The following TENM3 variants were observed in gnomAD, a reference collection of about 807,000 sequenced individuals.
TENM3 encodes the protein teneurin transmembrane protein 3.
A neutral mutation model predicts 255.1 loss-of-function variants in TENM3; 63 were observed. That is an observed-to-expected ratio of 0.25 (90% CI 0.20 to 0.30). TENM3 has a LOEUF of 0.30. TENM3 is among the 10% of genes least tolerant of loss of function. TENM3 has a pLI of 1.00. For missense variants in TENM3, 2,929 were observed against 3,461.1 expected (o/e 0.85, Z 3.86); for synonymous variants, 1,306 against 1,322.3 (o/e 0.99, Z 0.27).
At chr4:182,112,093 C>T in the TENM3 span, among the ~76,000 whole-genome samples, 1 of 152,064 alleles carries the variant, frequency 6.6e-6, no homozygotes, top group Non-Finnish European at 1.5e-5. Context: ...AGTTCCAGGC[C>T]GCAGTGAGCT....
At chr4:182,443,699 C>G (rs1488302313) in intron 3 of TENM3, among the ~76,000 whole-genome samples, 2 of 152,256 alleles carry the variant, frequency 1.3e-5, no homozygotes, top group African/African-American at 4.8e-5. Flanking sequence ...TTGACTGCCC[C>G]CTACAAAGAG....
At chr4:181,942,057 G>A in the TENM3 span, among the ~76,000 whole-genome samples, 3 of 152,068 alleles carry the variant, frequency 2.0e-5, no homozygotes, top group Non-Finnish European at 2.9e-5. Context: ...ACCTGCTTTC[G>A]GCCGTGATCT....
intron 1 of TENM3, among the ~76,000 whole-genome samples, chr4:182,188,910 T>G (rs1330676210): frequency 6.6e-6 from 1 of 152,164 alleles, no homozygotes; most frequent in Non-Finnish European, 1.5e-5. Context: ...TTAACCTAGT[T>G]GCTGATAATT....
chr4:182,704,184 G>A (rs1758098434), intron 12 of TENM3, among the ~76,000 whole-genome samples: 1 of 151,950 alleles, frequency 6.6e-6, no homozygotes, highest in Admixed American at 6.6e-5. Flanking sequence ...AAATAAGGGA[G>A]ATGTGTTACT....
intron 19 of TENM3, among the ~76,000 whole-genome samples, chr4:182,749,408 A>T (rs1225825119): frequency 6.6e-6 from 1 of 152,238 alleles, no homozygotes; most frequent in East Asian, 1.9e-4. Context: ...TTTCAGAAAC[A>T]ACTCATACTT....
chr4:182,417,097 C>A lies in TENM3; in HGVS notation c.511+70168C>A, dbSNP rs1050529797. ...CACGCCATTCTCCTGCCTCAGCCTCCCGAGTAGCTGGGATTACAGGCGCCT... is the reference window on the plus strand; with the variant it reads ...CACGCCATTCTCCTGCCTCAGCCTCACGAGTAGCTGGGATTACAGGCGCCT... On this transcript the variant is annotated intron_variant, in intron 3 of 27. Transcript: ENST00000511685. Among the ~76,000 whole-genome samples, 3 of 152,230 alleles carry A rather than the reference C, an allele frequency of 2.0e-5. No individual in the cohort carries two copies. The Middle Eastern group carries it at 0.01, about 518-fold the overall frequency.
intron 11 of TENM3, among the ~76,000 whole-genome samples, chr4:182,683,270 G>A (rs1251634495): frequency 1.3e-5 from 2 of 152,118 alleles, no homozygotes; most frequent in South Asian, 4.1e-4. Context: ...AACATAGTTA[G>A]TACAGAGCTT....
the TENM3 span, among the ~76,000 whole-genome samples, chr4:182,072,445 G>A: frequency 1.3e-5 from 2 of 151,938 alleles, no homozygotes; most frequent in Non-Finnish European, 1.5e-5. Flanking sequence ...GCCTCCAAAG[G>A]GTAGGCAGTG....
the TENM3 span, among the ~76,000 whole-genome samples, chr4:181,532,783 T>C: frequency 4.6e-5 from 7 of 152,166 alleles, no homozygotes; most frequent in Non-Finnish European, 8.8e-5. Context: ...GGCTATATAG[T>C]TTTTTGAGTA....
intron 1 of TENM3, among the ~76,000 whole-genome samples, chr4:182,323,420 TA>T (rs11313091): frequency 0.14 from 17,989 of 130,194 alleles, 1,190 homozygotes; most frequent in East Asian, 0.18. Context: ...TAAGATATAT[TA>T]AAAAAAAAAA....
chr4:181,882,941 C>A, the TENM3 span, among the ~76,000 whole-genome samples: 2 of 152,056 alleles, frequency 1.3e-5, no homozygotes, highest in African/African-American at 2.4e-5. Context: ...TTCAAAACAA[C>A]CACCATTGTC....
the TENM3 span, among the ~76,000 whole-genome samples, chr4:181,510,852 T>C: frequency 1.3e-5 from 2 of 152,240 alleles, no homozygotes; most frequent in Non-Finnish European, 2.9e-5. Context: ...TAATGCTCCA[T>C]GTTTCTTAAA....
chr4:182,387,434 C>A (rs538835121), intron 3 of TENM3, among the ~76,000 whole-genome samples: 1 of 152,230 alleles, frequency 6.6e-6, no homozygotes, highest in South Asian at 2.1e-4. Context: ...AGCGCCCTGA[C>A]AAAATAGGCC....
At chr4:182,695,153 C>T (rs887227004) in intron 12 of TENM3, among the ~76,000 whole-genome samples, 1 of 152,148 alleles carries the variant, frequency 6.6e-6, no homozygotes, top group Non-Finnish European at 1.5e-5. Context: ...CCACAAATAG[C>T]TGTTCTGGGA....
intron 1 of TENM3, among the ~76,000 whole-genome samples, chr4:182,322,255 A>C (rs1420771097): frequency 6.6e-6 from 1 of 152,366 alleles, no homozygotes; most frequent in Non-Finnish European, 1.5e-5. Flanking sequence ...ATCAAGATAT[A>C]TTCCAAGACT....
At chr4:182,513,714 C>G (rs1400143325) in intron 3 of TENM3, among the ~76,000 whole-genome samples, 1 of 152,152 alleles carries the variant, frequency 6.6e-6, no homozygotes, top group African/African-American at 2.4e-5. Flanking sequence ...GCCTTGCTGA[C>G]CCTGGAGGGA....
At chr4:181,467,999 A>G in the TENM3 span, among the ~76,000 whole-genome samples, 1 of 152,080 alleles carries the variant, frequency 6.6e-6, no homozygotes, top group African/African-American at 2.4e-5. Flanking sequence ...AGGTAAAATT[A>G]AAAATAAGAA....
At chr4:181,512,757 A>C in the TENM3 span, among the ~76,000 whole-genome samples, 1 of 152,180 alleles carries the variant, frequency 6.6e-6, no homozygotes, top group African/African-American at 2.4e-5. Flanking sequence ...TAAATAGTGA[A>C]GTACATTTTA....
the TENM3 span, among the ~76,000 whole-genome samples, chr4:182,060,367 T>G: frequency 2.0e-5 from 3 of 152,178 alleles, no homozygotes; most frequent in South Asian, 6.2e-4. Flanking sequence ...TGGTTTCAGG[T>G]TGAAACTGTT....
Sources: allele counts gnomAD v4.1 joint callset (sites outside exome capture counted in the v4.1 genomes callset), GRCh38; gene constraint gnomAD v4.1.1; transcripts MANE v1.5; gene names NCBI Gene and HGNC (gene_info 2026-07-23, HGNC 2026-07-21).